Variants in ATRN observed in about 807,000 individuals in gnomAD.
The protein encoded by ATRN is attractin.
ATRN carries 54 observed loss-of-function variants against 178.7 expected under a neutral mutation model. The ratio of observed to expected loss-of-function variants is 0.30; its 90% CI spans 0.24 to 0.38. The LOEUF (loss-of-function observed/expected upper bound fraction) is 0.38. ATRN is among the 10% of genes least tolerant of loss of function. The pLI is 1.00. For synonymous variants in ATRN, 636 were observed against 663.0 expected (o/e 0.96, Z 0.63); for missense variants, 1,443 against 1,815.1 (o/e 0.79, Z 3.73).
rs557460668 is a variant in ATRN, at chr20:3,474,206, T to G, written c.410+2689T>G. 2.4e-4 allele frequency among the ~76,000 whole-genome samples: 37 copies of G among 152,262 alleles called. No homozygotes were observed. In the South Asian group the frequency reaches 5.2e-3, roughly 21 times the overall value. The stretch of plus-strand genomic sequence containing the variant: ...AGGGAACAGGCAGTCCTGACACTGG[T>G]TGTCTCAAATAGTGTCACAGGTGAG... On this transcript the variant is annotated intron_variant, in intron 1 of 28. Coordinates refer to ENST00000262919, the MANE Select transcript of ATRN (RefSeq NM_139321.3).
At chr20:3,504,802 C>G (rs1369714706) in intron 1 of ATRN, among the ~76,000 whole-genome samples, 1 of 151,468 alleles carries the variant, frequency 6.6e-6, no homozygotes, top group African/African-American at 2.4e-5. Context: ...AAATATAAAA[C>G]CATCTAACAC....
At chr20:3,641,615 A>AAAG (rs2087069343) in intron 27 of ATRN, among the ~76,000 whole-genome samples, 1 of 144,950 alleles carries the variant, frequency 6.9e-6, no homozygotes, top group Non-Finnish European at 1.5e-5. Flanking sequence ...AAAAAAAAAA[A>AAAG]GGGAAAAGAT....
At chr20:3,512,106 TA>T (rs201194003) in intron 1 of ATRN, among the ~76,000 whole-genome samples, 1,421 of 118,076 alleles carry the variant, frequency 0.012, 21 homozygotes, top group African/African-American at 0.028. Flanking sequence ...TATATATATA[TA>T]TTTTTTTTTT....
rs2087046576 is a variant in ATRN, at chr20:3,638,994, T to G, written c.4050+59T>G. 1.4e-6 allele frequency: 2 copies of G among 1,408,280 alleles called. No homozygotes were observed. The highest frequency in any genetic ancestry group is 2.0e-5 in the Admixed American group (1 of 50,836). 87.2% of individuals were successfully genotyped at this position (1,408,280 alleles called of 1,614,324 possible). On this transcript the variant is annotated intron_variant, in intron 27 of 28. Transcript: ENST00000262919. The surrounding 1 kb of genome is among the most constrained non-coding windows in gnomAD (Gnocchi z 4.5). ...ACTTTTTAAAACTTAGGCTCCTAAG[T>G]CTGGGAAACCAGAGAGAGCAAAAGC...
intron 1 of ATRN, among the ~76,000 whole-genome samples, chr20:3,476,824 C>T (rs1308382307): frequency 6.6e-6 from 1 of 152,236 alleles, no homozygotes; most frequent in African/African-American, 2.4e-5. Flanking sequence ...TGTGCCATTG[C>T]ACTCCAGCCT....
intron 26 of ATRN, among the ~76,000 whole-genome samples, chr20:3,637,748 G>GT (rs2087036583): frequency 6.6e-6 from 1 of 152,142 alleles, no homozygotes; most frequent in Admixed American, 6.5e-5. Context: ...CATTTCAGAG[G>GT]GAGGACACGG....
intron 1 of ATRN, among the ~76,000 whole-genome samples, chr20:3,522,658 C>A (rs1426469643): frequency 6.6e-6 from 1 of 152,178 alleles, no homozygotes; most frequent in Non-Finnish European, 1.5e-5. Flanking sequence ...ACAGCTCATA[C>A]AGGAGAGCTC....
At chr20:3,605,328 A>C (rs976051913) in intron 24 of ATRN, among the ~76,000 whole-genome samples, 1 of 152,216 alleles carries the variant, frequency 6.6e-6, no homozygotes, top group African/African-American at 2.4e-5. Flanking sequence ...TAGTTCAACC[A>C]TTGTGGAAGA....
intron 8 of ATRN, 98 bp downstream of exon 8, chr20:3,561,003 AT>A: frequency 7.1e-7 from 1 of 1,417,274 alleles, no homozygotes; most frequent in South Asian, 1.3e-5. Context: ...CCTAATCTTG[AT>A]TCGGTACTTT....
chr20:3,537,261 T>A (rs2085547701), intron 2 of ATRN, among the ~76,000 whole-genome samples: 1 of 152,218 alleles, frequency 6.6e-6, no homozygotes, highest in Admixed American at 6.5e-5. Context: ...GTTGTTTTCT[T>A]TGAAGTGGCA....
chr20:3,490,206 A>G (rs2084767951), intron 1 of ATRN: 16 of 1,522,798 alleles, frequency 1.1e-5, no homozygotes, highest in East Asian at 4.5e-5. Context: ...CCACATTTCA[A>G]GCCTAAAGCT....
At chr20:3,563,551 C>CT (rs373775732) in intron 10 of ATRN, among the ~76,000 whole-genome samples, 188 bp downstream of exon 10, 99 of 152,248 alleles carry the variant, frequency 6.5e-4, no homozygotes, top group Non-Finnish European at 1.3e-3. Context: ...ACATTAAATT[C>CT]TTTTTGAAAT....
intron 1 of ATRN, among the ~76,000 whole-genome samples, chr20:3,496,743 C>G (rs960308218): frequency 6.6e-6 from 1 of 152,024 alleles, no homozygotes; most frequent in Non-Finnish European, 1.5e-5. Flanking sequence ...TAATGTTGGT[C>G]TAATGTTGAC....
chr20:3,630,900 A>G (rs1051966302), intron 25 of ATRN, among the ~76,000 whole-genome samples: 1 of 135,294 alleles, frequency 7.4e-6, no homozygotes, highest in African/African-American at 2.7e-5. Flanking sequence ...AACCATGTCT[A>G]AAAGAATTTA....
intron 1 of ATRN, among the ~76,000 whole-genome samples, chr20:3,519,397 T>C (rs561929707): frequency 6.6e-6 from 1 of 152,332 alleles, no homozygotes; most frequent in East Asian, 1.9e-4. Flanking sequence ...AATGTACTTT[T>C]TCAAACAAAT....
intron 6 of ATRN, among the ~76,000 whole-genome samples, chr20:3,549,876 T>C (rs1323455687): frequency 2.6e-5 from 4 of 152,190 alleles, no homozygotes; most frequent in Non-Finnish European, 1.5e-5. Flanking sequence ...GCATTTTCTA[T>C]TAATGAAGAT....
rs1410500820 is a variant in ATRN at position 3,597,892 on chromosome 20, C to T, written c.3470-14C>T. On this transcript the variant is annotated splice_polypyrimidine_tract_variant and intron_variant, in intron 21 of 28. Transcript: ENST00000262919. ...GTGTTTAGTTTTTAAATATGCATTT[C>T]TTTCTTTCCATAGATACTCTTCTTA... 3.9e-6 allele frequency: 6 copies of T among 1,523,814 alleles called. No individual in the cohort carries two copies. Among genetic ancestry groups the T allele is most frequent in the Admixed American group, 3.5e-5 (2 of 57,810 alleles). The allele number at this position is 1,523,814 out of a possible 1,614,324, so 94.4% of individuals were successfully genotyped here.
At chr20:3,542,599 C>A (rs2085640035) in intron 3 of ATRN, among the ~76,000 whole-genome samples, 1 of 128,862 alleles carries the variant, frequency 7.8e-6, no homozygotes, top group East Asian at 2.2e-4. Flanking sequence ...TCTCCCTTCC[C>A]CTTCCCCCTT....
chr20:3,516,537 A>G (rs2085208535), intron 1 of ATRN, among the ~76,000 whole-genome samples: 1 of 152,190 alleles, frequency 6.6e-6, no homozygotes, highest in Admixed American at 6.5e-5. Flanking sequence ...AATTAGTAAA[A>G]TAAGTAGTTG....
Sources: allele counts gnomAD v4.1 joint callset (sites outside exome capture counted in the v4.1 genomes callset), GRCh38; gene constraint gnomAD v4.1.1; non-coding constraint Gnocchi (gnomAD v3.1); transcripts MANE v1.5; gene names NCBI Gene and HGNC (gene_info 2026-07-23, HGNC 2026-07-21).